The following ADGRB3 variants were observed in gnomAD, a reference collection of about 807,000 sequenced individuals.
The protein encoded by ADGRB3 is adhesion G protein-coupled receptor B3.
In ADGRB3, 37 loss-of-function variants were observed where a neutral mutation model predicts 193.4. The observed-to-expected ratio is 0.19, with a 90% CI of 0.15 to 0.25. The LOEUF (loss-of-function observed/expected upper bound fraction) is 0.25. Ranked by LOEUF, ADGRB3 falls within the 10% of genes least tolerant of loss-of-function variation. ADGRB3 has a pLI of 1.00. For synonymous variants in ADGRB3, 690 were observed against 644.2 expected, an observed-to-expected ratio of 1.07 and a Z score of -1.08; for missense variants, 1,637 against 1,852.9, an observed-to-expected ratio of 0.88 and a Z score of 2.14.
chr6:68,700,992 A>T (rs1412868163), intron 3 of ADGRB3, among the ~76,000 whole-genome samples: 1 of 152,140 alleles, frequency 6.6e-6, no homozygotes, highest in Non-Finnish European at 1.5e-5. Flanking sequence ...TAATTTAAAA[A>T]ACTATAAAAA....
chr6:69,386,046 A>G (rs554624881), intron 31 of ADGRB3, among the ~76,000 whole-genome samples: 161 of 152,212 alleles, frequency 1.1e-3, no homozygotes, highest in Non-Finnish European at 1.5e-3. Flanking sequence ...AATAATGAGA[A>G]CACCAGTTGA....
At chr6:69,199,697 A>G (rs1462989238) in intron 17 of ADGRB3, among the ~76,000 whole-genome samples, 3 of 152,106 alleles carry the variant, frequency 2.0e-5, no homozygotes. Flanking sequence ...ACAGTAACAC[A>G]TAGCTTGGGG....
intron 17 of ADGRB3, among the ~76,000 whole-genome samples, chr6:69,098,046 G>T (rs373540759): frequency 6.6e-6 from 1 of 152,130 alleles, no homozygotes; most frequent in African/African-American, 2.4e-5. Context: ...CTGACAAACT[G>T]CCTCAGCATT....
intron 16 of ADGRB3, among the ~76,000 whole-genome samples, 159 bp downstream of exon 16, chr6:69,063,195 T>C (rs971594540): frequency 4.6e-5 from 7 of 152,052 alleles, no homozygotes; most frequent in Non-Finnish European, 4.4e-5. Flanking sequence ...AGAATGATTA[T>C]TCTATGCTTT....
intron 15 of ADGRB3, among the ~76,000 whole-genome samples, chr6:69,049,847 G>A (rs536248934): frequency 1.3e-5 from 2 of 152,166 alleles, no homozygotes; most frequent in Middle Eastern, 6.8e-3. Flanking sequence ...TTTATTTAGA[G>A]GACTATTTCT....
At chr6:69,256,421 C>A (rs1223618712) in intron 20 of ADGRB3, among the ~76,000 whole-genome samples, 8 of 152,144 alleles carry the variant, frequency 5.3e-5, no homozygotes, top group Non-Finnish European at 1.0e-4. Context: ...TCCTTCACGT[C>A]CCTTGTAAGG....
chr6:68,681,437 A>G (rs1363777050), intron 3 of ADGRB3, among the ~76,000 whole-genome samples: 2 of 151,944 alleles, frequency 1.3e-5, no homozygotes, highest in African/African-American at 4.8e-5. Flanking sequence ...GTGCCACCAC[A>G]TCTGGCCAAT....
At chr6:68,723,756 G>A (rs570230327) in intron 3 of ADGRB3, among the ~76,000 whole-genome samples, 1 of 151,590 alleles carries the variant, frequency 6.6e-6, no homozygotes, top group Admixed American at 6.6e-5. Flanking sequence ...GCCTCACATT[G>A]TACTATGTGG....
intron 3 of ADGRB3, among the ~76,000 whole-genome samples, chr6:68,709,400 G>T (rs189366382): frequency 6.6e-6 from 1 of 152,184 alleles, no homozygotes; most frequent in Non-Finnish European, 1.5e-5. Flanking sequence ...ATACTTAAAT[G>T]ACATGATGTT....
At chr6:69,315,205 A>C (rs573984891) in intron 20 of ADGRB3, among the ~76,000 whole-genome samples, 1 of 151,680 alleles carries the variant, frequency 6.6e-6, no homozygotes, top group South Asian at 2.1e-4. Flanking sequence ...GCACAAGGCA[A>C]CATGTTATAG....
chr6:69,352,603 T>C (rs982534380), intron 26 of ADGRB3, among the ~76,000 whole-genome samples: 2 of 152,192 alleles, frequency 1.3e-5, no homozygotes, highest in Non-Finnish European at 2.9e-5. Flanking sequence ...GAAATAGAAG[T>C]GGACAGAGGT....
At chr6:69,173,027 GT>G (rs1000404361) in intron 17 of ADGRB3, among the ~76,000 whole-genome samples, 273 of 106,274 alleles carry the variant, frequency 2.6e-3, no homozygotes, top group African/African-American at 0.01. Flanking sequence ...TTTGGTTTTT[GT>G]TTTTGTTTTT....
intron 20 of ADGRB3, among the ~76,000 whole-genome samples, chr6:69,309,988 A>G (rs1009786346): frequency 1.3e-5 from 2 of 151,616 alleles, no homozygotes; most frequent in African/African-American, 4.8e-5. Context: ...GTCTTCCTCA[A>G]CCTTGGCCCA....
chr6:68,974,622 GAGA>G, intron 8 of ADGRB3, 138 bp from the exon 9 acceptor site: 1 of 607,734 alleles, frequency 1.6e-6, no homozygotes, highest in Non-Finnish European at 2.8e-6. Flanking sequence ...GCAACAGAGT[GAGA>G]CCCCATCTCT....
intron 3 of ADGRB3, among the ~76,000 whole-genome samples, chr6:68,686,063 TTC>T (rs1467408130): frequency 6.6e-6 from 1 of 152,170 alleles, no homozygotes; most frequent in African/African-American, 2.4e-5. Flanking sequence ...TTTAAAGGCT[TTC>T]TTAAGATTAG....
In ADGRB3 at chr6:68,768,457, A is replaced by G. The variant is rs1223806177; in HGVS notation, c.757+129025A>G. On this transcript the variant is annotated intron_variant, in intron 3 of 31. Transcript: ENST00000370598. ...AATGGGGGAAAGGAATCCCTACTTA[A>G]TAATTGGTGTTGGGATAACAGGCTA... is the stretch of plus-strand genomic sequence containing the variant. 2.6e-5 allele frequency among the ~76,000 whole-genome samples: 4 copies of G among 152,234 alleles called. No homozygotes were observed. In the South Asian group the frequency reaches 8.3e-4, roughly 31 times the overall value.
intron 3 of ADGRB3, among the ~76,000 whole-genome samples, chr6:68,719,831 C>A (rs1213505282): frequency 6.6e-6 from 1 of 151,338 alleles, no homozygotes; most frequent in Non-Finnish European, 1.5e-5. Flanking sequence ...AAATTAGAAA[C>A]ACCCATTGCT....
intron 3 of ADGRB3, among the ~76,000 whole-genome samples, chr6:68,810,041 G>T (rs1207065566): frequency 6.6e-6 from 1 of 152,106 alleles, no homozygotes; most frequent in Non-Finnish European, 1.5e-5. Flanking sequence ...ACTTCCTCAT[G>T]GGTATCCAAA....
chr6:68,741,474 C>T (rs1765980437), intron 3 of ADGRB3, among the ~76,000 whole-genome samples: 1 of 152,128 alleles, frequency 6.6e-6, no homozygotes, highest in Admixed American at 6.6e-5. Flanking sequence ...GCAACCTCCA[C>T]CTCGCCAGCT....
Sources: allele counts gnomAD v4.1 joint callset (sites outside exome capture counted in the v4.1 genomes callset), GRCh38; gene constraint gnomAD v4.1.1; transcripts MANE v1.5; gene names NCBI Gene and HGNC (gene_info 2026-07-23, HGNC 2026-07-21).